Variants in ARL15 observed in about 807,000 individuals in gnomAD.
ARL15 encodes ARF like GTPase 15.
Under a neutral mutation model 25.2 loss-of-function variants are expected in ARL15, and 19 were observed. That is an observed-to-expected ratio of 0.75 (90% CI 0.53 to 1.10). The LOEUF is 1.10. ARL15 is among the 50% of genes least tolerant of loss of function. The pLI is 0.00. For synonymous variants in ARL15, 94 were observed against 86.8 expected, an observed-to-expected ratio of 1.08 and a Z score of -0.46; for missense variants, 220 against 246.0, an observed-to-expected ratio of 0.89 and a Z score of 0.71.
chr5:54,100,228 T>C (rs957313534), intron 4 of ARL15, among the ~76,000 whole-genome samples: 2 of 152,254 alleles, frequency 1.3e-5, no homozygotes, highest in South Asian at 2.1e-4. Context: ...CACATGTATA[T>C]GTAGTCAAAG....
At chr5:54,048,622 C>T (rs113155456) in intron 4 of ARL15, among the ~76,000 whole-genome samples, 23,384 of 151,258 alleles carry the variant, frequency 0.15, 2,171 homozygotes, top group East Asian at 0.46. Flanking sequence ...AGGCTGGTCT[C>T]GAACTCCTGA....
chr5:54,079,097 A>G (rs2112102138), intron 4 of ARL15, among the ~76,000 whole-genome samples: 1 of 152,344 alleles, frequency 6.6e-6, no homozygotes, highest in South Asian at 2.1e-4. Context: ...ATTTTAAATT[A>G]CAATTTATAT....
intron 1 of ARL15, among the ~76,000 whole-genome samples, chr5:54,278,254 C>T (rs2112661438): frequency 6.6e-6 from 1 of 152,306 alleles, no homozygotes; most frequent in Non-Finnish European, 1.5e-5. Context: ...CCCTTGTGTG[C>T]CTCTCTGGCC....
At position 53,994,458 on chromosome 5, in the gene ARL15, T is replaced by C. The variant is rs1748604534; in HGVS notation, c.463-107745A>G. 2.0e-5 allele frequency among the ~76,000 whole-genome samples: 3 copies of C among 152,160 alleles called. No homozygotes were observed. In the South Asian group the frequency reaches 6.2e-4, roughly 32 times the overall value. The stretch of plus-strand genomic sequence containing the variant: ...CATAATTACATGAGAAAACAACACA[T>C]TTTACTTTTTTGTTTTTTAACAACA... On this transcript the variant is annotated intron_variant, in intron 4 of 4. Transcript: ENST00000504924.
intron 4 of ARL15, among the ~76,000 whole-genome samples, chr5:54,100,746 T>C (rs1340416497): frequency 6.6e-6 from 1 of 152,142 alleles, no homozygotes; most frequent in Non-Finnish European, 1.5e-5. Context: ...ATATATAGTC[T>C]ATGTTTCATT....
intron 4 of ARL15, among the ~76,000 whole-genome samples, chr5:54,012,603 C>A (rs1483416220): frequency 2.0e-5 from 3 of 151,600 alleles, no homozygotes; most frequent in African/African-American, 7.3e-5. Context: ...CAGCTCACCA[C>A]AACCTCCACC....
At chr5:54,079,547 TTCCCTTTCTAAA>T (rs1171102376) in intron 4 of ARL15, among the ~76,000 whole-genome samples, 2 of 152,220 alleles carry the variant, frequency 1.3e-5, no homozygotes, top group African/African-American at 4.8e-5. Context: ...ATTCTATCAT[TTCCCTTTCTAAA>T]TGCTATTTTC....
In ARL15 at chr5:53,895,364, G is replaced by T. The variant is rs971004212; in HGVS notation, c.463-8651C>A. ...GGCAGTAGGGTCATCTCTCATTAAA[G>T]AAAGCCATATTTTATTTCCTCTCTG... On this transcript the variant is annotated intron_variant, in intron 4 of 4. Coordinates refer to ENST00000504924, the MANE Select transcript of ARL15 (RefSeq NM_019087.3). Among the ~76,000 whole-genome samples the T allele has an allele frequency of 3.3e-5, 5 of 152,324 alleles. No homozygotes were observed. In the East Asian group the frequency reaches 9.6e-4, roughly 29 times the overall value.
intron 4 of ARL15, among the ~76,000 whole-genome samples, chr5:53,903,719 C>T (rs779901842): frequency 5.3e-5 from 8 of 152,208 alleles, no homozygotes; most frequent in Admixed American, 5.2e-4. Flanking sequence ...CACAGGTCAA[C>T]AGCTCCTATT....
chr5:54,020,302 G>A (rs1343262610), intron 4 of ARL15, among the ~76,000 whole-genome samples: 1 of 152,090 alleles, frequency 6.6e-6, no homozygotes, highest in Non-Finnish European at 1.5e-5. Flanking sequence ...CCACCTTGCA[G>A]TACCAAGGCC....
At chr5:54,095,209 TAA>T (rs1352784768) in intron 4 of ARL15, among the ~76,000 whole-genome samples, 1 of 152,152 alleles carries the variant, frequency 6.6e-6, no homozygotes, top group Non-Finnish European at 1.5e-5. Flanking sequence ...ATGAATTTAA[TAA>T]GAGGTATTAA....
Position 54,282,372 on chromosome 5 carries a change from C to T in ARL15, c.48+28060G>A. On this transcript the variant is annotated intron_variant, in intron 1 of 4. Coordinates refer to ENST00000504924, the MANE Select transcript of ARL15 (RefSeq NM_019087.3). Reference sequence around the variant, plus strand: ...ATAAGAGAATAAGAAATGTTTGTACCAAAGAACTGTCTTCATTCCCCTTGC... The same window carrying T: ...ATAAGAGAATAAGAAATGTTTGTACTAAAGAACTGTCTTCATTCCCCTTGC... 5.1e-6 allele frequency: 5 copies of T among 985,382 alleles called. No individual in the cohort carries two copies. The South Asian group carries it at 2.3e-4, about 46-fold the overall frequency. The allele number at this position is 985,382 out of a possible 1,614,324, so 61.0% of individuals were successfully genotyped here.
At chr5:54,190,630 A>G (rs1248954661) in intron 1 of ARL15, among the ~76,000 whole-genome samples, 1 of 152,180 alleles carries the variant, frequency 6.6e-6, no homozygotes, top group African/African-American at 2.4e-5. Context: ...GTTTCCTGGA[A>G]GCATTGGATA....
At chr5:53,935,461 A>T (rs760062966) in intron 4 of ARL15, among the ~76,000 whole-genome samples, 3 of 152,248 alleles carry the variant, frequency 2.0e-5, no homozygotes, top group Non-Finnish European at 4.4e-5. Flanking sequence ...AGCACACATC[A>T]TTCTGTTTCA....
intron 4 of ARL15, among the ~76,000 whole-genome samples, chr5:53,941,139 CTCT>C (rs1365621694): frequency 7.2e-5 from 11 of 152,128 alleles, no homozygotes; most frequent in East Asian, 1.9e-4. Context: ...ATTAGTCATT[CTCT>C]TCTTCTACTT....
chr5:54,114,605 AGAGAT>A (rs999165288), intron 3 of ARL15, among the ~76,000 whole-genome samples: 34 of 152,246 alleles, frequency 2.2e-4, no homozygotes, highest in African/African-American at 7.9e-4. Flanking sequence ...AACAAACTCT[AGAGAT>A]GATTTAGTCC....
chr5:54,205,835 C>A (rs548377579), intron 1 of ARL15, among the ~76,000 whole-genome samples: 1 of 152,260 alleles, frequency 6.6e-6, no homozygotes, highest in South Asian at 2.1e-4. Context: ...TGATGACCGA[C>A]CAACTCTCTA....
chr5:53,957,549 A>G (rs369438531), intron 4 of ARL15, among the ~76,000 whole-genome samples: 53 of 152,256 alleles, frequency 3.5e-4, no homozygotes, highest in East Asian at 1.7e-3. Flanking sequence ...AAAGTAACCA[A>G]ATGGAGCCAG....
At chr5:54,032,345 T>C (rs1358527087) in intron 4 of ARL15, among the ~76,000 whole-genome samples, 1 of 152,062 alleles carries the variant, frequency 6.6e-6, no homozygotes, top group African/African-American at 2.4e-5. Context: ...GCAATTCTCC[T>C]ACCTTAACCT....
Sources: gnomAD v4.1 joint callset for allele counts (sites outside exome capture counted in the v4.1 genomes callset) on GRCh38, gnomAD v4.1.1 for gene constraint, MANE v1.5 for transcripts, NCBI Gene and HGNC (gene_info 2026-07-23, HGNC 2026-07-21) for gene names.